The following BTLA variants were observed in gnomAD, a reference collection of about 807,000 sequenced individuals.
BTLA encodes the protein B and T lymphocyte associated, also known as B- and T-lymphocyte attenuator.
A neutral mutation model predicts 25.0 loss-of-function variants in BTLA; 11 were observed. That is an observed-to-expected ratio of 0.44 (90% CI 0.28 to 0.73). The LOEUF (loss-of-function observed/expected upper bound fraction) is 0.73. BTLA is among the 30% of genes least tolerant of loss of function. The pLI is 0.15. For synonymous variants in BTLA, 104 were observed against 119.8 expected, an observed-to-expected ratio of 0.87 and a Z score of 0.86; for missense variants, 282 against 332.8, an observed-to-expected ratio of 0.85 and a Z score of 1.19.
chr3:112,483,707 C>G lies in BTLA; in HGVS notation c.89-3938G>C, dbSNP rs1030351339. Among the ~76,000 whole-genome samples the G allele has an allele frequency of 9.2e-5, 14 of 151,948 alleles. 1 individual carries two copies. The highest frequency in any genetic ancestry group is 3.3e-4 in the Admixed American group (5 of 15,270). Reference sequence around the variant, plus strand: ...ACAAGGCCGGGCATGGTGGCTCACGCCTGTAATCCCAGCACTTTGGGAGGC... The same window carrying G: ...ACAAGGCCGGGCATGGTGGCTCACGGCTGTAATCCCAGCACTTTGGGAGGC... On this transcript the variant is annotated intron_variant, in intron 1 of 4. Coordinates refer to ENST00000334529, the MANE Select transcript of BTLA (RefSeq NM_181780.4).
chr3:112,464,350 C>T lies in BTLA; in HGVS notation c.*1758G>A, dbSNP rs1428809353. On this transcript the variant is annotated 3_prime_UTR_variant, in exon 5 of 5. Transcript: ENST00000334529. ...AAGGAACTGTTCAATTTCGTGTGTT[C>T]ATCTGATAAGAGGACAGCTAAATGT... The T allele has an allele frequency of 5.2e-6, 2 of 386,340 alleles. No homozygotes were observed. Among genetic ancestry groups the T allele is most frequent in the African/African-American group, 4.1e-5 (2 of 48,358 alleles). 23.9% of individuals were successfully genotyped at this position (386,340 alleles called of 1,614,324 possible).
intron 1 of BTLA, among the ~76,000 whole-genome samples, chr3:112,490,633 AC>A (rs2082374934): frequency 2.0e-5 from 3 of 151,700 alleles, no homozygotes; most frequent in African/African-American, 7.3e-5. Flanking sequence ...ACACACACAC[AC>A]ACACACAATG....
chr3:112,485,690 G>A (rs1190603632), intron 1 of BTLA, among the ~76,000 whole-genome samples: 3 of 152,264 alleles, frequency 2.0e-5, no homozygotes, highest in African/African-American at 7.2e-5. Flanking sequence ...AGCCTCCCAA[G>A]TAGCCGGAAC....
chr3:112,488,228 C>CTTTTTTTTTTTTTT (rs546779181), intron 1 of BTLA, among the ~76,000 whole-genome samples: 1 of 124,848 alleles, frequency 8.0e-6, no homozygotes, highest in Non-Finnish European at 1.6e-5. Context: ...TTTCTTTTTT[C>CTTTTTTTTTTTTTT]TTTTTTTTTT....
At chr3:112,489,641 G>C (rs1381193850) in intron 1 of BTLA, among the ~76,000 whole-genome samples, 1 of 152,200 alleles carries the variant, frequency 6.6e-6, no homozygotes, top group Admixed American at 6.5e-5. Flanking sequence ...AAACTAAAAT[G>C]ATTACTAACG....
chr3:112,482,992 A>G (rs1576685370), intron 1 of BTLA, among the ~76,000 whole-genome samples: 1 of 152,200 alleles, frequency 6.6e-6, no homozygotes, highest in South Asian at 2.1e-4. Flanking sequence ...ATTTTCTTGG[A>G]TAAGTCAATA....
chr3:112,469,467 C>G (rs2082248202), intron 4 of BTLA, among the ~76,000 whole-genome samples: 1 of 151,930 alleles, frequency 6.6e-6, no homozygotes, highest in Non-Finnish European at 1.5e-5. Context: ...ATGGTTCAGT[C>G]TCTGACTTTT....
chr3:112,499,369 T>C lies in BTLA; in HGVS notation c.-11A>G, dbSNP rs770875276. 7 of 1,611,876 alleles carry C rather than the reference T, an allele frequency of 4.3e-6. No individual in the cohort carries two copies. ...AGGCAATGTCTTCATTTCCTGCACA[T>C]ATCAGTGATGGAAAAACTGCTCAAG... On this transcript the variant is annotated 5_prime_UTR_variant, in exon 1 of 5. It adds an upstream start codon to the 5' untranslated region. Transcript: ENST00000334529.
intron 2 of BTLA, 127 bp from the exon 3 acceptor site, chr3:112,471,482 G>A: frequency 9.6e-7 from 1 of 1,036,870 alleles, no homozygotes; most frequent in East Asian, 2.6e-5. Context: ...TTCCCCTTCA[G>A]AGGCATTCCT....
At chr3:112,493,494 A>T (rs1315983677) in intron 1 of BTLA, among the ~76,000 whole-genome samples, 1 of 152,194 alleles carries the variant, frequency 6.6e-6, no homozygotes, top group Non-Finnish European at 1.5e-5. Context: ...GGCAAAGGAT[A>T]TGAACACACA....
intron 3 of BTLA, chr3:112,470,199 C>T (rs1559823464): frequency 1.9e-5 from 3 of 155,040 alleles, no homozygotes; most frequent in African/African-American, 7.2e-5. Context: ...TCCCTGACTC[C>T]TTTTCTGAAG....
At chr3:112,472,536 A>G (rs1296032254) in intron 2 of BTLA, among the ~76,000 whole-genome samples, 2 of 152,038 alleles carry the variant, frequency 1.3e-5, no homozygotes, top group African/African-American at 2.4e-5. Context: ...GTCTCTACTA[A>G]AAATACAAAA....
chr3:112,491,046 ATTC>A (rs1166904559), intron 1 of BTLA, among the ~76,000 whole-genome samples: 6 of 152,198 alleles, frequency 3.9e-5, no homozygotes, highest in Admixed American at 1.3e-4. Context: ...GTTTGAAATA[ATTC>A]TGAACTTGTT....
chr3:112,487,931 T>C (rs2082357320), intron 1 of BTLA, among the ~76,000 whole-genome samples: 1 of 152,196 alleles, frequency 6.6e-6, no homozygotes, highest in Admixed American at 6.5e-5. Context: ...CCTCCTCTCA[T>C]TATCACAGTA....
chr3:112,478,710 G>C (rs1034166500), intron 2 of BTLA, among the ~76,000 whole-genome samples: 6 of 152,020 alleles, frequency 3.9e-5, no homozygotes, highest in Non-Finnish European at 8.8e-5. Context: ...CTGTTCTTAG[G>C]GGGAAAGCTC....
At position 112,466,612 on chromosome 3, in the gene BTLA, T is replaced by C. The variant is rs143136810; in HGVS notation, c.595-229A>G. On this transcript the variant is annotated intron_variant, in intron 4 of 4. Transcript: ENST00000334529. ...ACCCCTAAATAGTTATTTTGTGCTT[T>C]ATTACTGGTCACTTTTGAGGTCACA... Among the ~76,000 whole-genome samples, 248 of 152,332 alleles carry C rather than the reference T, an allele frequency of 1.6e-3. 6 individuals are homozygous for C. The East Asian group carries it at 0.039, about 24-fold the overall frequency.
In BTLA at chr3:112,466,246, A is replaced by T. The variant is rs1158945982; in HGVS notation, c.732T>A (p.Ser244=). The T allele has an allele frequency of 5.0e-6, 8 of 1,614,060 alleles. No homozygotes were observed. Among genetic ancestry groups the T allele is most frequent in the Non-Finnish European group, 8.5e-7 (1 of 1,180,014 alleles). ...GTTTGTTTTCTTCCAGGCATGGATTAGAATAAACTTCAGACCCTTCCTGCA... is the reference window on the plus strand; with the variant it reads ...GTTTGTTTTCTTCCAGGCATGGATTTGAATAAACTTCAGACCCTTCCTGCA... ...FRMQEGSEVY[S]NPCLEENKPG... Residue 244 remains serine (S), a synonymous_variant, in exon 5 of 5, where the codon TCT becomes TCA. Coordinates refer to ENST00000334529, the MANE Select transcript of BTLA (RefSeq NM_181780.4).
chr3:112,471,979 G>A (rs2082265082), intron 2 of BTLA, among the ~76,000 whole-genome samples: 1 of 152,180 alleles, frequency 6.6e-6, no homozygotes, highest in Non-Finnish European at 1.5e-5. Context: ...AGCAGGTTGT[G>A]AAACAATTTA....
intron 1 of BTLA, among the ~76,000 whole-genome samples, chr3:112,491,359 C>T (rs1267371645): frequency 1.3e-5 from 2 of 152,158 alleles, no homozygotes; most frequent in African/African-American, 2.4e-5. Flanking sequence ...AAGAATATGA[C>T]TAATATTTTC....
Sources: allele counts gnomAD v4.1 joint callset (sites outside exome capture counted in the v4.1 genomes callset), GRCh38; gene constraint gnomAD v4.1.1; transcripts MANE v1.5; gene names NCBI Gene and HGNC (gene_info 2026-07-23, HGNC 2026-07-21).